The following ADARB2 variants were observed in gnomAD, a reference collection of about 807,000 sequenced individuals.
ADARB2 encodes the protein inactive double-stranded RNA-specific editase B2.
Under a neutral mutation model 62.2 loss-of-function variants are expected in ADARB2, and 25 were observed. That is an observed-to-expected ratio of 0.40 (90% CI 0.29 to 0.56). The LOEUF is 0.56. Among genes scored for constraint, ADARB2 ranks in the 20% least tolerant of loss-of-function variants. The pLI is 0.43. For missense variants in ADARB2, 1,071 were observed against 1,077.4 expected (o/e 0.99, Z 0.08); for synonymous variants, 572 against 500.8 (o/e 1.14, Z -1.90).
intron 1 of ADARB2, among the ~76,000 whole-genome samples, chr10:1,716,494 A>C (rs1258148368): frequency 6.6e-6 from 1 of 152,232 alleles, no homozygotes; most frequent in Non-Finnish European, 1.5e-5. Context: ...ATTTTATTGC[A>C]TTGATTGCTA....
intron 3 of ADARB2, among the ~76,000 whole-genome samples, chr10:1,278,544 G>A (rs556900265): frequency 2.6e-5 from 4 of 150,982 alleles, no homozygotes; most frequent in African/African-American, 7.3e-5. Flanking sequence ...CTGTTAATTC[G>A]TTTAGGATGA....
intron 1 of ADARB2, among the ~76,000 whole-genome samples, chr10:1,550,160 C>A (rs1368344395): frequency 6.6e-6 from 1 of 152,206 alleles, no homozygotes; most frequent in African/African-American, 2.4e-5. Flanking sequence ...CCTGGAACCC[C>A]TCCCCGCTGC....
chr10:1,698,778 T>C (rs889056383), intron 1 of ADARB2, among the ~76,000 whole-genome samples: 1 of 152,190 alleles, frequency 6.6e-6, no homozygotes, highest in Non-Finnish European at 1.5e-5. Context: ...TATTATTTTT[T>C]AAATGGCATC....
chr10:1,544,128 C>A (rs2131971562), intron 1 of ADARB2, among the ~76,000 whole-genome samples: 1 of 152,276 alleles, frequency 6.6e-6, no homozygotes, highest in East Asian at 1.9e-4. Context: ...GGCAGACTCT[C>A]TGGGCCCTGC....
intron 1 of ADARB2, among the ~76,000 whole-genome samples, chr10:1,528,777 A>G (rs977943092): frequency 6.6e-6 from 1 of 152,194 alleles, no homozygotes; most frequent in South Asian, 2.1e-4. Flanking sequence ...GAATGAGGCA[A>G]TGATGGCCTG....
chr10:1,233,974 T>TC, intron 5 of ADARB2, 129 bp from the exon 6 acceptor site: 1 of 704,886 alleles, frequency 1.4e-6, no homozygotes, highest in Non-Finnish European at 1.8e-6. Flanking sequence ...TCCTTTTTTT[T>TC]TTCCTTTTTT....
intron 1 of ADARB2, among the ~76,000 whole-genome samples, chr10:1,666,785 C>T (rs1165724097): frequency 6.6e-6 from 1 of 152,210 alleles, no homozygotes; most frequent in Non-Finnish European, 1.5e-5. Context: ...CTGAAAGACT[C>T]TGAGACTCGA....
chr10:1,348,876 G>C (rs1200832481), intron 3 of ADARB2, among the ~76,000 whole-genome samples: 3 of 152,214 alleles, frequency 2.0e-5, no homozygotes, highest in African/African-American at 7.2e-5. Context: ...GGGAGGCACA[G>C]GCAGGCATGC....
At chr10:1,276,021 T>C (rs1246712474) in intron 3 of ADARB2, among the ~76,000 whole-genome samples, 3 of 152,222 alleles carry the variant, frequency 2.0e-5, no homozygotes, top group South Asian at 2.1e-4. Context: ...GGTATATACC[T>C]GGTAATGGGA....
In ADARB2 at chr10:1,264,626, C is replaced by T. The variant is rs147900497; in HGVS notation, c.1192+6329G>A. ...TATGTGCTCATTTTAGGTTCAAAGC[C>T]AAGCATATGCAGCAAAACATAGTCT... is the stretch of plus-strand genomic sequence containing the variant. On this transcript the variant is annotated intron_variant, in intron 4 of 9. Transcript: ENST00000381312. Among the ~76,000 whole-genome samples the T allele has an allele frequency of 7.7e-4, 118 of 152,304 alleles. 1 individual carries two copies. Among genetic ancestry groups the T allele is most frequent in the African/African-American group, 2.7e-3 (113 of 41,572 alleles).
At chr10:1,683,394 GA>G (rs1834563064) in intron 1 of ADARB2, among the ~76,000 whole-genome samples, 1 of 152,220 alleles carries the variant, frequency 6.6e-6, no homozygotes, top group Non-Finnish European at 1.5e-5. Context: ...AAACTCACAT[GA>G]AAAACTTCTT....
At chr10:1,599,099 G>A (rs1183766524) in intron 1 of ADARB2, among the ~76,000 whole-genome samples, 2 of 152,246 alleles carry the variant, frequency 1.3e-5, no homozygotes, top group East Asian at 1.9e-4. Flanking sequence ...TTGAGAAAGT[G>A]TGTATGTGTT....
At chr10:1,400,592 G>A (rs985544285) in intron 1 of ADARB2, among the ~76,000 whole-genome samples, 19 of 152,156 alleles carry the variant, frequency 1.2e-4, no homozygotes, top group African/African-American at 4.6e-4. Context: ...CCCACCTGAT[G>A]CCAGGCCTGA....
Position 1,255,674 on chromosome 10 carries a change from A to G in ADARB2, c.1193-13375T>C, listed in dbSNP as rs906155842. On this transcript the variant is annotated intron_variant, in intron 4 of 9. Coordinates refer to ENST00000381312, the MANE Select transcript of ADARB2 (RefSeq NM_018702.4). This position sits in a 1 kb window ranked among gnomAD's most constrained non-coding sequence, Gnocchi z 4.7. The stretch of plus-strand genomic sequence containing the variant: ...GGTGAGGTTAGAGGTAAGAGGGAGG[A>G]AACTGAGGAGATGCCAGTGACCTTT... 6.6e-6 allele frequency among the ~76,000 whole-genome samples: 1 copy of G among 152,190 alleles called. No individual in the cohort carries two copies. The highest frequency in any genetic ancestry group is 2.4e-5 in the African/African-American group (1 of 41,438).
At chr10:1,529,607 G>C (rs1832195144) in intron 1 of ADARB2, among the ~76,000 whole-genome samples, 1 of 152,154 alleles carries the variant, frequency 6.6e-6, no homozygotes, top group Non-Finnish European at 1.5e-5. Flanking sequence ...CTTATCACCA[G>C]ATTCTAAACA....
chr10:1,591,695 A>AC (rs1369209866), intron 1 of ADARB2, among the ~76,000 whole-genome samples: 2 of 148,048 alleles, frequency 1.4e-5, no homozygotes, highest in East Asian at 2.0e-4. Context: ...ACTCACCAGG[A>AC]CCCCCCCACC....
chr10:1,219,924 GTGATGGTGA>G (rs1332723597), intron 6 of ADARB2, among the ~76,000 whole-genome samples: 17 of 147,622 alleles, frequency 1.2e-4, no homozygotes, highest in African/African-American at 4.3e-4. Flanking sequence ...GGCGATGATG[GTGATGGTGA>G]TGATGGTGGT....
At chr10:1,585,489 C>CAAACATA (rs1833163675) in intron 1 of ADARB2, among the ~76,000 whole-genome samples, 1 of 152,164 alleles carries the variant, frequency 6.6e-6, no homozygotes, top group South Asian at 2.1e-4. Flanking sequence ...GCACCTGAGA[C>CAAACATA]AAACATATAT....
In ADARB2 at chr10:1,217,032, C is replaced by T; in HGVS notation, c.1601G>A (p.Gly534Asp). ...GTCCCAGGTCTGCACTGCGCTGGGG[C>T]CACGCACGGGGACCGTCCCTTCCCC... ...ESGEGTVPVR[G>D]PSAVQTWDGV... Residue 534 changes from glycine to aspartate, a missense_variant, in exon 7 of 10, where the codon GGC (glycine) becomes GAC (aspartate). Transcript: ENST00000381312. 1 of 1,611,652 alleles carries T rather than the reference C, an allele frequency of 6.2e-7. No homozygotes were observed.
Sources: gnomAD v4.1 joint callset for allele counts (sites outside exome capture counted in the v4.1 genomes callset) on GRCh38, gnomAD v4.1.1 for gene constraint, Gnocchi (gnomAD v3.1) non-coding constraint, MANE v1.5 for transcripts, NCBI Gene and HGNC (gene_info 2026-07-23, HGNC 2026-07-21) for gene names.